The following TGM2 variants were observed in gnomAD, a reference collection of about 807,000 sequenced individuals.
The protein encoded by TGM2 is transglutaminase 2, also known as protein-glutamine gamma-glutamyltransferase 2.
In TGM2, 53 loss-of-function variants were observed where a neutral mutation model predicts 75.6. The ratio of observed to expected loss-of-function variants is 0.70; its 90% CI spans 0.56 to 0.88. The LOEUF (loss-of-function observed/expected upper bound fraction) is 0.88. Ranked by LOEUF, TGM2 falls within the 40% of genes least tolerant of loss-of-function variation. The pLI is 0.00. For missense variants in TGM2, 842 were observed against 928.5 expected (o/e 0.91, Z 1.21); for synonymous variants, 374 against 381.1 (o/e 0.98, Z 0.22).
chr20:38,138,615 C>A (rs2074930800), intron 9 of TGM2, among the ~76,000 whole-genome samples: 1 of 152,192 alleles, frequency 6.6e-6, no homozygotes, highest in Admixed American at 6.5e-5. Context: ...TCCAGGAAGC[C>A]CTCTCTGACC....
intron 11 of TGM2, among the ~76,000 whole-genome samples, chr20:38,131,678 C>T (rs1009969070): frequency 6.6e-6 from 1 of 152,090 alleles, no homozygotes; most frequent in Admixed American, 6.5e-5. Context: ...GAATGTCTGA[C>T]ACACTGCTCA....
At chr20:38,161,384 T>C (rs2075249748) in intron 2 of TGM2, 36 bp downstream of exon 2, 2 of 1,609,298 alleles carry the variant, frequency 1.2e-6, no homozygotes, top group East Asian at 2.2e-5. Context: ...GTGGTGGTGG[T>C]GGTGGTGGTG....
At chr20:38,149,735 T>TTGTTCTCC (rs747837030) in intron 4 of TGM2, among the ~76,000 whole-genome samples, 54 of 148,312 alleles carry the variant, frequency 3.6e-4, no homozygotes, top group Non-Finnish European at 7.1e-4. Context: ...GAACTTGACT[T>TTGTTCTCC]TGTTCTCCTT....
At chr20:38,162,407 C>T (rs1453197783) in intron 1 of TGM2, among the ~76,000 whole-genome samples, 1 of 152,070 alleles carries the variant, frequency 6.6e-6, no homozygotes, top group Non-Finnish European at 1.5e-5. Flanking sequence ...AGGAAATACC[C>T]AGGGCTGAGG....
chr20:38,167,903 G>A (rs570235877), upstream of TGM2, among the ~76,000 whole-genome samples: 2 of 152,228 alleles, frequency 1.3e-5, no homozygotes, highest in South Asian at 4.2e-4. Context: ...CTTAACCTCT[G>A]TGCCTCAGTT....
chr20:38,128,837 G>GTT lies in TGM2; in HGVS notation c.*1380_*1381dup, dbSNP rs1479255545. The GTT allele has an allele frequency of 2.6e-5, 4 of 152,454 alleles. No homozygotes were observed. Among genetic ancestry groups the GTT allele is most frequent in the African/African-American group, 9.6e-5 (4 of 41,576 alleles). The allele number at this position is 152,454 out of a possible 1,614,324, so 9.4% of individuals were successfully genotyped here. ...AAGCTTCCTCCGGGGCAGGGGCTAT[G>GTT]TTTGGGGGCCTTAGCCCTGCAAAGA... On this transcript the variant is annotated 3_prime_UTR_variant, in exon 13 of 13. Transcript: ENST00000361475.
At chr20:38,155,749 T>A in intron 3 of TGM2, 98 bp downstream of exon 3, 1 of 1,481,708 alleles carries the variant, frequency 6.7e-7, no homozygotes, top group Non-Finnish European at 9.0e-7. Context: ...TTGATGTGTG[T>A]CTCTTATCCC....
chr20:38,144,153 C>A (rs1462028818), intron 6 of TGM2, among the ~76,000 whole-genome samples: 1 of 152,148 alleles, frequency 6.6e-6, no homozygotes, highest in Non-Finnish European at 1.5e-5. Flanking sequence ...GGGTGGTGTC[C>A]CGGGAGGCCT....
At chr20:38,162,783 T>C (rs1324998050) in intron 1 of TGM2, among the ~76,000 whole-genome samples, 1 of 152,182 alleles carries the variant, frequency 6.6e-6, no homozygotes, top group East Asian at 1.9e-4. Flanking sequence ...ATGTCTGAGA[T>C]GAAGGTGCGC....
At chr20:38,166,601 C>T (rs948567284), upstream of TGM2, 2 of 152,238 alleles carry the variant, frequency 1.3e-5, no homozygotes, top group African/African-American at 4.8e-5. Flanking sequence ...CCGGAGCAAG[C>T]TCTACATTCC....
upstream of TGM2, chr20:38,165,415 G>C: frequency 1.6e-6 from 1 of 631,986 alleles, no homozygotes; most frequent in South Asian, 2.0e-5. Flanking sequence ...CCAGGGGACC[G>C]GAGCCCGAGG....
rs749858468 is a variant in TGM2, at chr20:38,130,353, C to A, written c.1930G>T (p.Ala644Ser). 14 of 1,595,738 alleles carry A rather than the reference C, an allele frequency of 8.8e-6. No homozygotes were observed. Among genetic ancestry groups the A allele is most frequent in the Non-Finnish European group, 1.1e-5 (13 of 1,171,804 alleles). Residue 644 changes from alanine (A) to serine (S), a missense_variant, in exon 13 of 13, where the codon GCA (alanine) becomes TCA (serine). Ala to Ser is a moderately conservative substitution (Grantham distance 99). Coordinates refer to ENST00000361475, the MANE Select transcript of TGM2 (RefSeq NM_004613.4). Reference sequence around the variant, plus strand: ...ATTCTCACCTTAACTTCCTCCCCTGCCTCCACGGGGTCTGGGCTGCAGGGA... The same window carrying A: ...ATTCTCACCTTAACTTCCTCCCCTGACTCCACGGGGTCTGGGCTGCAGGGA... ...KTVEIPDPVE[A>S]GEEVKVRMDL...
At position 38,149,678 on chromosome 20, in the gene TGM2, C is replaced by CAAAAAAAAAAAA. The variant is rs1199376180; in HGVS notation, c.552+1249_552+1260dup. ...TGGGCAACAGAGCGAGACTCCGCCT[C>CAAAAAAAAAAAA]AAAAAAAAAAAAAAAAAAAAAAACA... is the stretch of plus-strand genomic sequence containing the variant. On this transcript the variant is annotated intron_variant, in intron 4 of 12. Transcript: ENST00000361475. 1.8e-3 allele frequency among the ~76,000 whole-genome samples: 71 copies of CAAAAAAAAAAAA among 40,440 alleles called. 1 individual carries two copies. The highest frequency in any genetic ancestry group is 3.6e-3 in the Admixed American group (13 of 3,592). The allele number at this position is 40,440 out of a possible 152,430, so 26.5% of individuals were successfully genotyped here.
At chr20:38,164,897 C>T (rs2075294161) in intron 1 of TGM2, among the ~76,000 whole-genome samples, 1 of 152,314 alleles carries the variant, frequency 6.6e-6, no homozygotes, top group East Asian at 1.9e-4. Flanking sequence ...AGAGAGCCAG[C>T]CCCCACTGAC....
chr20:38,151,680 G>A (rs1274283018), intron 3 of TGM2, among the ~76,000 whole-genome samples: 4 of 152,216 alleles, frequency 2.6e-5, no homozygotes, highest in South Asian at 4.1e-4. Context: ...AGGAGAGGTG[G>A]GGTCCTGTCC....
chr20:38,161,692 C>T (rs889729167), intron 1 of TGM2, 93 bp from the exon 2 acceptor site: 5 of 1,418,290 alleles, frequency 3.5e-6, no homozygotes, highest in Non-Finnish European at 4.0e-6. Flanking sequence ...GGCCTTGTGC[C>T]CTCTTACTCC....
chr20:38,136,246 C>T (rs560405966), intron 10 of TGM2, among the ~76,000 whole-genome samples: 7 of 152,298 alleles, frequency 4.6e-5, no homozygotes, highest in Admixed American at 2.0e-4. Flanking sequence ...GCAGACGCCC[C>T]GCCCGCAACA....
Position 38,130,365 on chromosome 20 carries a change from C to T in TGM2, c.1918G>A (p.Asp640Asn). Residue 640 changes from aspartate to asparagine, a missense_variant, in exon 13 of 13, where the codon GAC becomes AAC. Coordinates refer to ENST00000361475, the MANE Select transcript of TGM2 (RefSeq NM_004613.4). ...TEEQKTVEIPDPVEAGEEVKV... is the reference protein window; with the variant it reads ...TEEQKTVEIPNPVEAGEEVKV... ...ACTTCCTCCCCTGCCTCCACGGGGTCTGGGCTGCAGGGAGAGAGGGGGTGG... is the reference window on the plus strand; with the variant it reads ...ACTTCCTCCCCTGCCTCCACGGGGTTTGGGCTGCAGGGAGAGAGGGGGTGG... The T allele has an allele frequency of 6.3e-7, 1 of 1,590,076 alleles. No homozygotes were observed. Among genetic ancestry groups the T allele is most frequent in the South Asian group, 1.1e-5 (1 of 87,082 alleles).
rs2074927713 is a variant in TGM2, at chr20:38,138,391, G to C, written c.1343-6C>G. 6.2e-7 allele frequency: 1 copy of C among 1,613,612 alleles called. No homozygotes were observed. Among genetic ancestry groups the C allele is most frequent in the African/African-American group, 1.3e-5 (1 of 74,902 alleles). On this transcript the variant is annotated splice_polypyrimidine_tract_variant and splice_region_variant and intron_variant, in intron 9 of 12. Transcript: ENST00000361475. ...CTCCCTCTCCTCTGAGGACCCTGTAGGGGTTGAGAAGAGAGCCTCAATCAC... is the reference window on the plus strand; with the variant it reads ...CTCCCTCTCCTCTGAGGACCCTGTACGGGTTGAGAAGAGAGCCTCAATCAC...
Sources: allele counts gnomAD v4.1 joint callset (sites outside exome capture counted in the v4.1 genomes callset), GRCh38; gene constraint gnomAD v4.1.1; transcripts MANE v1.5; gene names NCBI Gene and HGNC (gene_info 2026-07-23, HGNC 2026-07-21).